The following NAALADL2 variants were observed in gnomAD, a reference collection of about 807,000 sequenced individuals.
NAALADL2 encodes the protein N-acetylated alpha-linked acidic dipeptidase like 2, also known as inactive N-acetylated-alpha-linked acidic dipeptidase-like protein 2.
NAALADL2 carries 76 observed loss-of-function variants against 87.2 expected under a neutral mutation model. The ratio of observed to expected loss-of-function variants is 0.87; its 90% CI spans 0.72 to 1.05. The LOEUF (loss-of-function observed/expected upper bound fraction) is 1.05, where lower values mean the gene tolerates loss of function less well. NAALADL2 is among the 50% of genes least tolerant of loss of function. NAALADL2 has a pLI of 0.00. For missense variants in NAALADL2, 1,089 were observed against 945.8 expected (o/e 1.15, Z -1.99); for synonymous variants, 354 against 331.0 (o/e 1.07, Z -0.75).
intron 1 of NAALADL2, among the ~76,000 whole-genome samples, chr3:174,880,895 C>T (rs1024766712): frequency 2.6e-5 from 4 of 152,036 alleles, no homozygotes; most frequent in African/African-American, 9.7e-5. Flanking sequence ...ATATCATGCC[C>T]CTTCTCTTAG....
chr3:175,771,499 C>A (rs1405010215), intron 13 of NAALADL2, among the ~76,000 whole-genome samples: 1 of 152,110 alleles, frequency 6.6e-6, no homozygotes, highest in African/African-American at 2.4e-5. Flanking sequence ...TTTCTGGAGG[C>A]CAGAAGTCTG....
chr3:175,441,252 A>T (rs1374351997), intron 5 of NAALADL2, among the ~76,000 whole-genome samples: 1 of 152,142 alleles, frequency 6.6e-6, no homozygotes, highest in African/African-American at 2.4e-5. Flanking sequence ...GATGAGTACT[A>T]TGTTGAATTC....
rs191939955 is a variant in NAALADL2, at chr3:174,752,227, C to T, written c.-9+14481C>T. ...TCCTGACCTCATGATCCACCTGTCT[C>T]GGCCTCCCAAAGTGCTGGGATTACA... On this transcript the variant is annotated intron_variant, in intron 3 of 3. Coordinates refer to the NAALADL2 transcript ENST00000434257. Among the ~76,000 whole-genome samples the T allele has an allele frequency of 7.7e-3, 1,177 of 152,200 alleles. 16 individuals carry two copies. The highest frequency in any genetic ancestry group is 0.027 in the Middle Eastern group (8 of 294).
chr3:175,787,062 TG>T (rs1752094947), intron 13 of NAALADL2, among the ~76,000 whole-genome samples: 1 of 151,990 alleles, frequency 6.6e-6, no homozygotes, highest in Admixed American at 6.6e-5. Context: ...GGAGGCAGTC[TG>T]CCTGTTCTCA....
At chr3:175,328,498 C>A (rs1278413371) in intron 5 of NAALADL2, among the ~76,000 whole-genome samples, 1 of 151,876 alleles carries the variant, frequency 6.6e-6, no homozygotes, top group Non-Finnish European at 1.5e-5. Context: ...CGGGGAGCAT[C>A]TTCTGTTTCT....
At chr3:175,362,609 T>C (rs1158298158) in intron 5 of NAALADL2, among the ~76,000 whole-genome samples, 1 of 148,490 alleles carries the variant, frequency 6.7e-6, no homozygotes, top group Non-Finnish European at 1.5e-5. Context: ...TGGTTCCATA[T>C]TTTTGCAATT....
chr3:175,247,295 A>G (rs1351219885), intron 3 of NAALADL2, among the ~76,000 whole-genome samples: 1 of 145,868 alleles, frequency 6.9e-6, no homozygotes, highest in East Asian at 2.0e-4. Flanking sequence ...CACATAAAAC[A>G]CATAAGTAAG....
chr3:175,309,169 G>A (rs997063293), intron 4 of NAALADL2, among the ~76,000 whole-genome samples: 1 of 152,024 alleles, frequency 6.6e-6, no homozygotes, highest in South Asian at 2.1e-4. Flanking sequence ...TAAGGAAAAT[G>A]TAATAAATCA....
intron 2 of NAALADL2, among the ~76,000 whole-genome samples, chr3:174,720,438 A>G (rs913038046): frequency 2.6e-5 from 4 of 152,156 alleles, no homozygotes; most frequent in Admixed American, 6.5e-5. Context: ...TATGATAGCT[A>G]TATAGAGAGA....
intron 12 of NAALADL2, among the ~76,000 whole-genome samples, chr3:175,742,548 C>T (rs1745379432): frequency 6.6e-6 from 1 of 151,982 alleles, no homozygotes; most frequent in South Asian, 2.1e-4. Context: ...CAGGCGCCCA[C>T]CACCACACCC....
intron 9 of NAALADL2, among the ~76,000 whole-genome samples, chr3:175,560,556 C>T (rs1419217307): frequency 6.6e-6 from 1 of 151,932 alleles, no homozygotes; most frequent in African/African-American, 2.4e-5. Context: ...CTTTCAGATG[C>T]ATCATTAGGT....
At chr3:174,903,739 G>C (rs1430530071) in intron 1 of NAALADL2, among the ~76,000 whole-genome samples, 2 of 151,920 alleles carry the variant, frequency 1.3e-5, no homozygotes, top group African/African-American at 4.8e-5. Context: ...GAAGGATGCA[G>C]TGTTCCCTGG....
At chr3:175,520,421 C>T (rs1336110485) in intron 9 of NAALADL2, among the ~76,000 whole-genome samples, 2 of 151,378 alleles carry the variant, frequency 1.3e-5, no homozygotes, top group African/African-American at 4.9e-5. Context: ...GCCTCAGCCT[C>T]CCGAGTAGCT....
intron 4 of NAALADL2, among the ~76,000 whole-genome samples, chr3:175,295,486 C>A (rs1027436896): frequency 3.9e-5 from 6 of 152,056 alleles, no homozygotes; most frequent in Non-Finnish European, 2.9e-5. Flanking sequence ...ATTTCTCAGA[C>A]TTCCTGCATG....
rs118091061 is a variant in NAALADL2 at position 174,659,878 on chromosome 3, C to T, written c.-114-77763C>T. Among the ~76,000 whole-genome samples, 48 of 152,238 alleles carry T rather than the reference C, an allele frequency of 3.2e-4. No homozygotes were observed. In the East Asian group the frequency reaches 6.8e-3, roughly 21 times the overall value. On this transcript the variant is annotated intron_variant, in intron 2 of 3. Transcript: ENST00000434257. ...GAAGCTTCCCACTGCAGTTAGACCC[C>T]GGTGCATCATCATCAGTTCCCTTAG...
chr3:174,772,004 A>ATT (rs5854596), intron 3 of NAALADL2, among the ~76,000 whole-genome samples: 81 of 151,778 alleles, frequency 5.3e-4, no homozygotes, highest in African/African-American at 1.8e-3. Context: ...AATCAGACAC[A>ATT]TTTTTTTTGT....
intron 5 of NAALADL2, among the ~76,000 whole-genome samples, chr3:175,386,495 C>T: frequency 6.9e-6 from 1 of 145,292 alleles, no homozygotes; most frequent in East Asian, 2.0e-4. Context: ...CATGTATCAT[C>T]TTTTTTTTTT....
In NAALADL2 at chr3:175,528,081, G is replaced by A. The variant is rs191429385; in HGVS notation, c.1654-47960G>A. Among the ~76,000 whole-genome samples the A allele has an allele frequency of 1.9e-4, 29 of 152,132 alleles. No homozygotes were observed. In the East Asian group the frequency reaches 4.3e-3, roughly 22 times the overall value. On this transcript the variant is annotated intron_variant, in intron 9 of 13. Transcript: ENST00000454872. ...AGCACTTTTGGTTGGTGAAGTTCTC[G>A]GAGAAGGAAAGTGAAAGAAAATTCT...
intron 11 of NAALADL2, among the ~76,000 whole-genome samples, chr3:175,650,255 G>A (rs1486632167): frequency 6.6e-6 from 1 of 152,160 alleles, no homozygotes; most frequent in Non-Finnish European, 1.5e-5. Flanking sequence ...TGTATGAAGT[G>A]TCCAGAGATG....
Sources: allele counts gnomAD v4.1 joint callset (sites outside exome capture counted in the v4.1 genomes callset), GRCh38; gene constraint gnomAD v4.1.1; transcripts MANE v1.5; gene names NCBI Gene and HGNC (gene_info 2026-07-23, HGNC 2026-07-21).